The following CYFIP1 variants were observed in gnomAD, a reference collection of about 807,000 sequenced individuals.
The protein encoded by CYFIP1 is cytoplasmic FMR1-interacting protein 1.
In CYFIP1, 58 loss-of-function variants were observed where a neutral mutation model predicts 163.5. The ratio of observed to expected loss-of-function variants is 0.35; its 90% CI spans 0.29 to 0.44. The LOEUF (loss-of-function observed/expected upper bound fraction) is 0.44. Ranked by LOEUF, CYFIP1 falls within the 20% of genes least tolerant of loss-of-function variation. The probability of loss-of-function intolerance (pLI) is 1.00; values close to 1 mark genes in which losing one functional copy is unlikely to be tolerated. For synonymous variants in CYFIP1, 663 were observed against 660.7 expected (o/e 1.00, Z -0.05); for missense variants, 1,338 against 1,653.8 (o/e 0.81, Z 3.31).
rs534070534 is a variant in CYFIP1 at position 22,883,688 on chromosome 15, G to A, written c.2677-677C>T. Among the ~76,000 whole-genome samples the A allele has an allele frequency of 5.9e-5, 9 of 151,894 alleles. No homozygotes were observed. In the South Asian group the frequency reaches 1.0e-3, roughly 18 times the overall value. ...AAAAATTAGCCGGGCGTGGTGGCAGGTGCCTGTAGTCCCAGCTACTCGGGA... is the reference window on the plus strand; with the variant it reads ...AAAAATTAGCCGGGCGTGGTGGCAGATGCCTGTAGTCCCAGCTACTCGGGA... On this transcript the variant is annotated intron_variant, in intron 23 of 30. Coordinates refer to ENST00000617928, the MANE Select transcript of CYFIP1 (RefSeq NM_014608.6).
intron 23 of CYFIP1, among the ~76,000 whole-genome samples, chr15:22,891,849 G>A (rs965965966): frequency 7.2e-5 from 11 of 152,244 alleles, no homozygotes; most frequent in South Asian, 2.1e-4. Flanking sequence ...CATTGTTTCC[G>A]CCACTCAGAG....
intron 17 of CYFIP1, among the ~76,000 whole-genome samples, chr15:22,913,527 C>CAAAAAAAAAAAAAAAAAAAAA (rs35228444): frequency 9.7e-5 from 1 of 10,286 alleles, no homozygotes; most frequent in Non-Finnish European, 1.7e-4. Flanking sequence ...GGCTCTGTCT[C>CAAAAAAAAAAAAAAAAAAAAA]AAAAAAAAAA....
intron 1 of CYFIP1, among the ~76,000 whole-genome samples, chr15:22,968,601 C>A (rs1031087147): frequency 1.1e-4 from 16 of 152,162 alleles, no homozygotes; most frequent in Admixed American, 2.6e-4. Context: ...AGAACCCTGA[C>A]TAATACATCA....
chr15:22,867,852 G>GTTTC lies in CYFIP1; in HGVS notation c.*2175_*2176insGAAA, dbSNP rs1398420922. ...ATATTTTGGTTTCTAGAAAATGTTT[G>GTTTC]TTTATGAAGAAGTCGATGGAAAACT... On this transcript the variant is annotated 3_prime_UTR_variant, in exon 31 of 31. Transcript: ENST00000617928. 6.6e-6 allele frequency: 1 copy of GTTTC among 152,110 alleles called. No homozygotes were observed. Among genetic ancestry groups the GTTTC allele is most frequent in the East Asian group, 1.9e-4 (1 of 5,196 alleles). The allele number at this position is 152,110 out of a possible 1,614,324, so 9.4% of individuals were successfully genotyped here. A position where few individuals can be genotyped will look rare whatever the true frequency, so the allele number is the denominator to read the frequency against.
chr15:22,938,105 A>T (rs2061773814), intron 8 of CYFIP1, among the ~76,000 whole-genome samples: 1 of 152,158 alleles, frequency 6.6e-6, no homozygotes, highest in Non-Finnish European at 1.5e-5. Flanking sequence ...CCCCAAGGCC[A>T]CCCTGCAGAG....
At chr15:22,939,557 TAAAAAAA>T in intron 6 of CYFIP1, 50 bp from the exon 7 acceptor site, 7 of 285,742 alleles carry the variant, frequency 2.4e-5, no homozygotes, top group Non-Finnish European at 3.4e-5. Flanking sequence ...GTGCCACATT[TAAAAAAA>T]AAAAAAAAAA....
At chr15:22,968,728 T>C (rs2062993636) in intron 1 of CYFIP1, among the ~76,000 whole-genome samples, 1 of 152,136 alleles carries the variant, frequency 6.6e-6, no homozygotes, top group Non-Finnish European at 1.5e-5. Context: ...CAAGAGTCAG[T>C]GAAGTTTTTG....
intron 13 of CYFIP1, among the ~76,000 whole-genome samples, chr15:22,922,934 G>A (rs1401343917): frequency 6.6e-6 from 1 of 151,882 alleles, no homozygotes. Context: ...AGAAGTTGCA[G>A]TGAGCTGAGA....
chr15:22,910,287 G>A (rs891350875), intron 20 of CYFIP1, among the ~76,000 whole-genome samples: 1 of 151,998 alleles, frequency 6.6e-6, no homozygotes, highest in African/African-American at 2.4e-5. Flanking sequence ...CAGCATCCCA[G>A]AGCGGCTGGG....
In CYFIP1 at chr15:22,910,551, T is replaced by C. The variant is rs151028712; in HGVS notation, c.2237A>G (p.Tyr746Cys). Residue 746 changes from tyrosine to cysteine, a missense_variant, in exon 20 of 31, where the codon TAC becomes TGC. Physicochemically the swap from Tyr to Cys is radical, Grantham distance 194 (BLOSUM62 -2). Transcript: ENST00000617928. ...ATIHLPPSNR[Y>C]ETLLKQRHVQ... ...ATGCCTCTGCTTCAGCAGCGTCTCG[T>C]AGCGGTTAGACGGCGGGAGGTGGAT... The C allele has an allele frequency of 1.9e-6, 3 of 1,614,042 alleles. No individual in the cohort carries two copies. In the African/African-American group the frequency reaches 4.0e-5, roughly 22 times the overall value.
rs761297983 is a variant in CYFIP1, at chr15:22,947,257, G to A, written c.29C>T (p.Ala10Val). The change falls in exon 2 of 31, where the codon GCG becomes GTG. Residue 10 changes from alanine (A) to valine (V), a missense_variant. Around this residue, in one of 4 missense-constraint regions of CYFIP1, gnomAD observed 186 missense variants for 288.3 expected, o/e 0.65. Transcript: ENST00000617928. ...CTCCAGGAGGTCCACGTTGGACAGC[G>A]CGTCCTCCAGAGTCACCTGGGCCGC... MAAQVTLED[A>V]LSNVDLLEEL... 5.0e-6 allele frequency: 8 copies of A among 1,613,832 alleles called. No individual in the cohort carries two copies. The highest frequency in any genetic ancestry group is 2.7e-5 in the African/African-American group (2 of 74,878).
chr15:22,969,584 T>G (rs2063019962), intron 1 of CYFIP1, among the ~76,000 whole-genome samples: 1 of 152,200 alleles, frequency 6.6e-6, no homozygotes, highest in Non-Finnish European at 1.5e-5. Context: ...CCGGAGCTGC[T>G]GTGGCCATCA....
chr15:22,941,815 A>T (rs2061901526), intron 6 of CYFIP1, among the ~76,000 whole-genome samples: 1 of 152,136 alleles, frequency 6.6e-6, no homozygotes, highest in South Asian at 2.1e-4. Flanking sequence ...AAAGGAAAAA[A>T]AAAACAACAA....
chr15:22,884,282 A>T (rs1052111366), intron 23 of CYFIP1, among the ~76,000 whole-genome samples: 15 of 152,280 alleles, frequency 9.9e-5, no homozygotes, highest in Admixed American at 9.8e-4. Flanking sequence ...CCTTCCACCT[A>T]TGAGCCTATA....
intron 8 of CYFIP1, among the ~76,000 whole-genome samples, chr15:22,937,836 C>G (rs181345188): frequency 6.6e-6 from 1 of 152,190 alleles, no homozygotes; most frequent in Admixed American, 6.5e-5. Context: ...AACTCCTGAC[C>G]TCAAGTGATC....
chr15:22,937,042 T>C, intron 9 of CYFIP1, 62 bp downstream of exon 9: 1 of 1,173,914 alleles, frequency 8.5e-7, no homozygotes, highest in Middle Eastern at 1.9e-4. Context: ...GGGGCTCACT[T>C]CCCCAAAATT....
chr15:22,964,172 T>C (rs537618356), intron 1 of CYFIP1, among the ~76,000 whole-genome samples: 3,775 of 150,186 alleles, frequency 0.025, 132 homozygotes, highest in African/African-American at 0.07. Flanking sequence ...TTTTTTTTTT[T>C]CCCTTTCTGG....
chr15:22,923,942 CAAAAAAAAAAAA>C (rs916058496), intron 13 of CYFIP1, among the ~76,000 whole-genome samples: 6 of 61,816 alleles, frequency 9.7e-5, no homozygotes, highest in Admixed American at 2.5e-4. Flanking sequence ...ACCTTGTCTC[CAAAAAAAAAAAA>C]AAAAAAAAAA....
chr15:22,868,506 C>CTAAGA lies in CYFIP1; in HGVS notation c.*1517_*1521dup, dbSNP rs531922277. 1.1e-4 allele frequency: 17 copies of CTAAGA among 152,218 alleles called. No individual in the cohort carries two copies. The East Asian group carries it at 3.1e-3, about 28-fold the overall frequency. The allele number at this position is 152,218 out of a possible 1,614,324, so 9.4% of individuals were successfully genotyped here. A position where few individuals can be genotyped will look rare whatever the true frequency, so the allele number is the denominator to read the frequency against. ...AATTTTTCATCCTATTCTGTAGTTT[C>CTAAGA]TAAGATAAGCACAGCTACCACCTCT... On this transcript the variant is annotated 3_prime_UTR_variant, in exon 31 of 31. Transcript: ENST00000617928.
Sources: gnomAD v4.1 joint callset for allele counts (sites outside exome capture counted in the v4.1 genomes callset) on GRCh38, gnomAD v4.1.1 for gene constraint, gnomAD v4.1.1 regional missense constraint, MANE v1.5 for transcripts, NCBI Gene and HGNC (gene_info 2026-07-23, HGNC 2026-07-21) for gene names.